Variants in PITPNC1 observed in about 807,000 individuals in gnomAD.
The protein encoded by PITPNC1 is phosphatidylinositol transfer protein cytoplasmic 1.
A neutral mutation model predicts 44.7 loss-of-function variants in PITPNC1; 18 were observed. The ratio of observed to expected loss-of-function variants is 0.40; its 90% CI spans 0.28 to 0.60. The LOEUF is 0.60. Among genes scored for constraint, PITPNC1 ranks in the 20% least tolerant of loss-of-function variants. The probability of loss-of-function intolerance (pLI) is 0.39; values close to 1 mark genes in which losing one functional copy is unlikely to be tolerated. For synonymous variants in PITPNC1, 141 were observed against 149.6 expected, an observed-to-expected ratio of 0.94 and a Z score of 0.42; for missense variants, 290 against 418.4, an observed-to-expected ratio of 0.69 and a Z score of 2.68.
chr17:67,392,471 C>T (rs756913657), intron 1 of PITPNC1, among the ~76,000 whole-genome samples: 14 of 152,224 alleles, frequency 9.2e-5, no homozygotes, highest in Non-Finnish European at 1.8e-4. Context: ...CTCAAACTCC[C>T]GAGCTCAAGT....
At position 67,599,799 on chromosome 17, in the gene PITPNC1, C is replaced by A. The variant is rs200169207; in HGVS notation, c.366+21542C>A. Among the ~76,000 whole-genome samples the A allele has an allele frequency of 1.7e-4, 26 of 152,196 alleles. No individual in the cohort carries two copies. In the East Asian group the frequency reaches 2.9e-3, roughly 17 times the overall value. On this transcript the variant is annotated intron_variant, in intron 5 of 8. Coordinates refer to ENST00000581322, the MANE Select transcript of PITPNC1 (RefSeq NM_012417.4). ...GGGGACTTAGAGTGGAAGGGAGAAGCCTTTGCAAGATTTCCCATCTCTGTG... is the reference window on the plus strand; with the variant it reads ...GGGGACTTAGAGTGGAAGGGAGAAGACTTTGCAAGATTTCCCATCTCTGTG...
chr17:67,662,243 C>T (rs1019017920), intron 6 of PITPNC1, among the ~76,000 whole-genome samples: 1 of 151,918 alleles, frequency 6.6e-6, no homozygotes, highest in Non-Finnish European at 1.5e-5. Context: ...CACCTGAGGT[C>T]GGGAGTTCAA....
At position 67,568,932 on chromosome 17, in the gene PITPNC1, A is replaced by G. The variant is rs1431847373; in HGVS notation, c.295-9254A>G. 4.6e-5 allele frequency among the ~76,000 whole-genome samples: 7 copies of G among 152,222 alleles called. 1 individual carries two copies. The highest frequency in any genetic ancestry group is 8.8e-5 in the Non-Finnish European group (6 of 68,048). On this transcript the variant is annotated intron_variant, in intron 4 of 8. Coordinates refer to ENST00000581322, the MANE Select transcript of PITPNC1 (RefSeq NM_012417.4). ...CACAGGCTAGGTGCTGTGGAAATAC[A>G]GTATCCTTTGATGACAATAATGACA...
At chr17:67,445,923 G>T (rs1357043249) in intron 1 of PITPNC1, among the ~76,000 whole-genome samples, 1 of 151,696 alleles carries the variant, frequency 6.6e-6, no homozygotes, top group Admixed American at 6.6e-5. Flanking sequence ...CAGACTCTAG[G>T]TATCTTTGGC....
At chr17:67,425,415 T>C (rs1042910412) in intron 1 of PITPNC1, among the ~76,000 whole-genome samples, 5 of 151,788 alleles carry the variant, frequency 3.3e-5, no homozygotes, top group African/African-American at 7.3e-5. Context: ...TTTTCTTTCT[T>C]CTTCCTGTCT....
At chr17:67,590,190 A>T (rs1186233754) in intron 5 of PITPNC1, among the ~76,000 whole-genome samples, 1 of 152,190 alleles carries the variant, frequency 6.6e-6, no homozygotes, top group African/African-American at 2.4e-5. Flanking sequence ...ATCAACAGGG[A>T]TTAGGCAGGG....
At chr17:67,396,136 C>T (rs766743815) in intron 1 of PITPNC1, among the ~76,000 whole-genome samples, 2 of 152,034 alleles carry the variant, frequency 1.3e-5, no homozygotes, top group African/African-American at 2.4e-5. Context: ...TGAAAAGGAG[C>T]TTGGTGGTGG....
At chr17:67,649,514 C>CAATTA (rs1202952668) in intron 6 of PITPNC1, among the ~76,000 whole-genome samples, 1 of 151,424 alleles carries the variant, frequency 6.6e-6, no homozygotes, top group African/African-American at 2.5e-5. Flanking sequence ...ATGTGTCCAA[C>CAATTA]AATTCAATTC....
chr17:67,634,610 G>A (rs906108077), intron 6 of PITPNC1, among the ~76,000 whole-genome samples: 3 of 152,084 alleles, frequency 2.0e-5, no homozygotes, highest in Non-Finnish European at 2.9e-5. Flanking sequence ...CAAATACCAC[G>A]CAGAGAGTAT....
intron 1 of PITPNC1, among the ~76,000 whole-genome samples, chr17:67,466,200 G>C (rs916766724): frequency 2.2e-5 from 3 of 135,710 alleles, no homozygotes; most frequent in Non-Finnish European, 4.7e-5. Context: ...GGTGGGGTGG[G>C]GGGGTGGGGG....
At chr17:67,614,898 A>T (rs936412184) in intron 5 of PITPNC1, among the ~76,000 whole-genome samples, 1 of 152,046 alleles carries the variant, frequency 6.6e-6, no homozygotes, top group Admixed American at 6.6e-5. Context: ...GAATTGATTC[A>T]CGAGAGTATA....
chr17:67,633,499 G>A (rs1470240162), intron 6 of PITPNC1, among the ~76,000 whole-genome samples: 1 of 152,216 alleles, frequency 6.6e-6, no homozygotes, highest in Non-Finnish European at 1.5e-5. Flanking sequence ...AAGGGCTGGG[G>A]AGAGGCTGAT....
intron 5 of PITPNC1, among the ~76,000 whole-genome samples, chr17:67,596,481 T>C (rs1408435381): frequency 6.6e-6 from 1 of 152,140 alleles, no homozygotes; most frequent in African/African-American, 2.4e-5. Context: ...TCCCTATTTC[T>C]TTGTTGTTGT....
intron 1 of PITPNC1, chr17:67,524,494 T>A (rs1299950807): frequency 6.6e-6 from 1 of 151,900 alleles, no homozygotes; most frequent in Non-Finnish European, 1.5e-5. Context: ...AAGTTAATTT[T>A]AAAAATATAT....
At chr17:67,486,320 C>T (rs565875354) in intron 1 of PITPNC1, among the ~76,000 whole-genome samples, 76 of 152,186 alleles carry the variant, frequency 5.0e-4, no homozygotes, top group African/African-American at 1.7e-3. Flanking sequence ...GTTGAAGTCT[C>T]GCTGTGGGCA....
At position 67,692,645 on chromosome 17, in the gene PITPNC1, C is replaced by T. The variant is rs1359344997; in HGVS notation, c.756C>T (p.Phe252=). The T allele has an allele frequency of 6.2e-7, 1 of 1,613,802 alleles. No homozygotes were observed. The highest frequency in any genetic ancestry group is 1.1e-5 in the South Asian group (1 of 91,070). Residue 252 remains phenylalanine, a synonymous_variant, in exon 9 of 9, where the codon TTC becomes TTT. Coordinates refer to ENST00000581322, the MANE Select transcript of PITPNC1 (RefSeq NM_012417.4). ...QEATNKKIGI[F]PPAISISSIP... ...CCACCAACAAGAAAATCGGCATTTT[C>T]CCACCTGCAATTTCTATCTCCAGCA... is the stretch of plus-strand genomic sequence containing the variant.
chr17:67,485,410 T>C (rs1428010757), intron 1 of PITPNC1, among the ~76,000 whole-genome samples: 5 of 149,666 alleles, frequency 3.3e-5, no homozygotes, highest in African/African-American at 1.2e-4. Flanking sequence ...CACTGCTCTG[T>C]CGCCCAGGCA....
At chr17:67,411,389 C>A (rs1449206150) in intron 1 of PITPNC1, among the ~76,000 whole-genome samples, 1 of 152,098 alleles carries the variant, frequency 6.6e-6, no homozygotes, top group African/African-American at 2.4e-5. Flanking sequence ...GCACATAGGT[C>A]ACCAGGGATG....
At chr17:67,591,912 T>C (rs1375975493) in intron 5 of PITPNC1, among the ~76,000 whole-genome samples, 1 of 150,328 alleles carries the variant, frequency 6.7e-6, no homozygotes, top group East Asian at 2.0e-4. Context: ...GGCATCTCGC[T>C]GTGTTGCCCA....
Sources: gnomAD v4.1 joint callset for allele counts (sites outside exome capture counted in the v4.1 genomes callset) on GRCh38, gnomAD v4.1.1 for gene constraint, MANE v1.5 for transcripts, NCBI Gene and HGNC (gene_info 2026-07-23, HGNC 2026-07-21) for gene names.